The following MINDY3 variants were observed in gnomAD, a reference collection of about 807,000 sequenced individuals.
MINDY3 encodes the protein ubiquitin carboxyl-terminal hydrolase MINDY-3.
MINDY3 carries 38 observed loss-of-function variants against 69.2 expected under a neutral mutation model. The observed-to-expected ratio is 0.55, with a 90% CI of 0.42 to 0.72. MINDY3 has a LOEUF of 0.72. MINDY3 is among the 30% of genes least tolerant of loss of function. The pLI, the probability that MINDY3 is intolerant of heterozygous loss-of-function variation, is 0.00. For synonymous variants in MINDY3, 192 were observed against 180.1 expected (o/e 1.07, Z -0.53); for missense variants, 522 against 519.0 (o/e 1.01, Z -0.06).
At chr10:15,819,505 C>T (rs1264926222) in intron 9 of MINDY3, among the ~76,000 whole-genome samples, 1 of 152,136 alleles carries the variant, frequency 6.6e-6, no homozygotes, top group African/African-American at 2.4e-5. Context: ...GAGTCAGGTA[C>T]CAGACAGACT....
intron 3 of MINDY3, among the ~76,000 whole-genome samples, chr10:15,842,794 C>T (rs1252485351): frequency 2.7e-5 from 4 of 148,974 alleles, no homozygotes; most frequent in African/African-American, 9.9e-5. Flanking sequence ...GCTTCATTTG[C>T]AATTTCATCC....
chr10:15,857,172 C>T (rs780971668), intron 1 of MINDY3, among the ~76,000 whole-genome samples: 15 of 152,126 alleles, frequency 9.9e-5, no homozygotes, highest in Non-Finnish European at 1.8e-4. Context: ...TCCTGCCACA[C>T]TAACTTCCTT....
chr10:15,831,154 G>A (rs1840429936), intron 8 of MINDY3, among the ~76,000 whole-genome samples: 1 of 152,182 alleles, frequency 6.6e-6, no homozygotes, highest in South Asian at 2.1e-4. Flanking sequence ...AGCAGTGGTA[G>A]ATAAAGGAGT....
chr10:15,808,654 G>T (rs1838795089), intron 10 of MINDY3, among the ~76,000 whole-genome samples: 1 of 152,128 alleles, frequency 6.6e-6, no homozygotes. Flanking sequence ...ATTAAATTCA[G>T]TTTCTTTATA....
intron 11 of MINDY3, among the ~76,000 whole-genome samples, chr10:15,793,869 C>T (rs1180136652): frequency 2.0e-5 from 3 of 152,056 alleles, no homozygotes; most frequent in African/African-American, 4.8e-5. Flanking sequence ...AGATAGATCC[C>T]CAATTTCATA....
At chr10:15,853,593 A>G (rs1163444419) in intron 1 of MINDY3, among the ~76,000 whole-genome samples, 1 of 152,120 alleles carries the variant, frequency 6.6e-6, no homozygotes, top group African/African-American at 2.4e-5. Flanking sequence ...CTTGAATACA[A>G]TGTCTTTTTA....
At chr10:15,858,812 C>T (rs1342498945) in intron 1 of MINDY3, among the ~76,000 whole-genome samples, 1 of 152,062 alleles carries the variant, frequency 6.6e-6, no homozygotes, top group East Asian at 1.9e-4. Flanking sequence ...TAAATTTTTT[C>T]TTAGTCTTTC....
At chr10:15,805,049 G>A (rs1001080066) in intron 10 of MINDY3, among the ~76,000 whole-genome samples, 5 of 152,072 alleles carry the variant, frequency 3.3e-5, no homozygotes, top group African/African-American at 9.7e-5. Context: ...TGGAAATAAC[G>A]CAGTGGGAGA....
rs1836320115 is a variant in MINDY3, at chr10:15,779,159, G to T, written c.1189-18C>A. 8 of 1,607,930 alleles carry T rather than the reference G, an allele frequency of 5.0e-6. No homozygotes were observed. Among genetic ancestry groups the T allele is most frequent in the Non-Finnish European group, 5.9e-6 (7 of 1,176,868 alleles). ...TACATGACCTGTTGAACAAAATAAA[G>T]CCACCAAGGTCAAGCAACAGTCTTA... is the stretch of plus-strand genomic sequence containing the variant. On this transcript the variant is annotated intron_variant, in intron 14 of 14. Transcript: ENST00000277632.
chr10:15,849,840 C>G (rs1834149382), intron 1 of MINDY3, among the ~76,000 whole-genome samples: 1 of 152,124 alleles, frequency 6.6e-6, no homozygotes, highest in Non-Finnish European at 1.5e-5. Flanking sequence ...CTCCAATCAG[C>G]ACTCCATCAC....
At chr10:15,803,617 A>G (rs1051617439) in intron 10 of MINDY3, among the ~76,000 whole-genome samples, 1 of 152,174 alleles carries the variant, frequency 6.6e-6, no homozygotes, top group Non-Finnish European at 1.5e-5. Context: ...TTCTCTATCT[A>G]ACTATACATA....
chr10:15,847,051 A>C (rs1833900618), intron 2 of MINDY3, among the ~76,000 whole-genome samples: 1 of 152,168 alleles, frequency 6.6e-6, no homozygotes, highest in Non-Finnish European at 1.5e-5. Context: ...CCAATGAATA[A>C]TAAATGCCAC....
intron 11 of MINDY3, among the ~76,000 whole-genome samples, chr10:15,794,209 G>A (rs1202692213): frequency 6.6e-6 from 1 of 152,206 alleles, no homozygotes; most frequent in East Asian, 1.9e-4. Flanking sequence ...TCTGCTAAAT[G>A]GAAACTGTAT....
chr10:15,818,699 A>C lies in MINDY3; in HGVS notation c.802-1784T>G, dbSNP rs180890240. Reference sequence around the variant, plus strand: ...CACATGTAAAAAACAGAGATGAACAATGAAAACACCATGCTAAGTGAAAGG... The same window carrying C: ...CACATGTAAAAAACAGAGATGAACACTGAAAACACCATGCTAAGTGAAAGG... On this transcript the variant is annotated intron_variant, in intron 9 of 14. Coordinates refer to ENST00000277632, the MANE Select transcript of MINDY3 (RefSeq NM_024948.4). 5.3e-4 allele frequency among the ~76,000 whole-genome samples: 80 copies of C among 152,298 alleles called. 1 individual carries two copies. The highest frequency in any genetic ancestry group is 2.7e-3 in the Admixed American group (41 of 15,294).
In MINDY3 at chr10:15,786,642, A is replaced by T. The variant is rs143762840; in HGVS notation, c.1035T>A (p.Asn345Lys). 2.1e-5 allele frequency: 33 copies of T among 1,558,618 alleles called. No individual in the cohort carries two copies. The Middle Eastern group carries it at 6.7e-4, about 32-fold the overall frequency. Residue 345 changes from asparagine to lysine, a missense_variant, in exon 13 of 15, where the codon AAT (asparagine) becomes AAA (lysine). Transcript: ENST00000277632. ...LDLVSDPEYI[N>K]LMKNKLDPEG... is the part of the protein sequence containing the mutation. ...CTGGATCTAATTTATTCTTCATGAG[A>T]TTTATACTACGGGGAGAAAGAAGAA...
intron 1 of MINDY3, among the ~76,000 whole-genome samples, chr10:15,856,244 T>C (rs1834682530): frequency 6.6e-6 from 1 of 151,952 alleles, no homozygotes; most frequent in Non-Finnish European, 1.5e-5. Context: ...AACCCAACTG[T>C]ATTAACTCCT....
At chr10:15,809,660 G>A (rs1229248522) in intron 10 of MINDY3, among the ~76,000 whole-genome samples, 1 of 151,990 alleles carries the variant, frequency 6.6e-6, no homozygotes, top group South Asian at 2.1e-4. Context: ...AAGTTCTGTG[G>A]GAACCCTGCT....
chr10:15,822,431 T>G (rs1839831194), intron 8 of MINDY3, among the ~76,000 whole-genome samples: 1 of 152,124 alleles, frequency 6.6e-6, no homozygotes, highest in South Asian at 2.1e-4. Flanking sequence ...TGAAGCGTAT[T>G]ACAGTTCTCC....
chr10:15,843,809 C>A (rs1052867941), intron 2 of MINDY3, among the ~76,000 whole-genome samples: 1 of 152,014 alleles, frequency 6.6e-6, no homozygotes, highest in Non-Finnish European at 1.5e-5. Flanking sequence ...TCCCCTTAAG[C>A]GAGTCAACGA....
Sources: gnomAD v4.1 joint callset for allele counts (sites outside exome capture counted in the v4.1 genomes callset) on GRCh38, gnomAD v4.1.1 for gene constraint, MANE v1.5 for transcripts, NCBI Gene and HGNC (gene_info 2026-07-23, HGNC 2026-07-21) for gene names.